Variants in MACROD2 observed in about 807,000 individuals in gnomAD.
The protein encoded by MACROD2 is ADP-ribose glycohydrolase MACROD2.
A neutral mutation model predicts 70.4 loss-of-function variants in MACROD2; 36 were observed. The ratio of observed to expected loss-of-function variants is 0.51; its 90% CI spans 0.39 to 0.68. The LOEUF (loss-of-function observed/expected upper bound fraction) is 0.68, where lower values mean the gene tolerates loss of function less well. Among genes scored for constraint, MACROD2 ranks in the 30% least tolerant of loss-of-function variants. The pLI, the probability that MACROD2 is intolerant of heterozygous loss-of-function variation, is 0.00. For missense variants in MACROD2, 496 were observed against 538.4 expected (o/e 0.92, Z 0.78); for synonymous variants, 172 against 178.8 (o/e 0.96, Z 0.30).
At chr20:14,176,228 T>A (rs1366945755) in intron 3 of MACROD2, among the ~76,000 whole-genome samples, 1 of 152,224 alleles carries the variant, frequency 6.6e-6, no homozygotes, top group Non-Finnish European at 1.5e-5. Context: ...TTGCCTGTGG[T>A]GACAGAAGGC....
At chr20:14,740,754 A>T (rs982524888) in intron 5 of MACROD2, among the ~76,000 whole-genome samples, 9 of 151,570 alleles carry the variant, frequency 5.9e-5, no homozygotes, top group East Asian at 3.9e-4. Flanking sequence ...ATGAAAGATT[A>T]AAAAAAAACC....
At chr20:14,077,158 CTTA>C (rs2053925781) in intron 2 of MACROD2, among the ~76,000 whole-genome samples, 1 of 151,994 alleles carries the variant, frequency 6.6e-6, no homozygotes, top group Admixed American at 6.6e-5. Context: ...CAACCTTAGA[CTTA>C]CATTACATTA....
At chr20:14,233,944 C>T (rs975641576) in intron 3 of MACROD2, among the ~76,000 whole-genome samples, 2 of 151,844 alleles carry the variant, frequency 1.3e-5, no homozygotes, top group African/African-American at 2.4e-5. Context: ...GTTTTAGGGC[C>T]GTGAAACTAT....
chr20:14,373,414 G>T (rs1478525369), intron 3 of MACROD2, among the ~76,000 whole-genome samples: 1 of 152,030 alleles, frequency 6.6e-6, no homozygotes. Flanking sequence ...CAAATGTTAT[G>T]AATTGTCTCT....
chr20:15,233,965 ATTTT>A (rs138948728), intron 6 of MACROD2, among the ~76,000 whole-genome samples: 3,717 of 46,402 alleles, frequency 0.08, 372 homozygotes, highest in African/African-American at 0.18. Context: ...CAAAAAATTT[ATTTT>A]TATATATATT....
Position 14,110,911 on chromosome 20 carries a change from A to G in MACROD2, c.271+25183A>G, listed in dbSNP as rs370366496. On this transcript the variant is annotated intron_variant, in intron 3 of 17. Coordinates refer to ENST00000684519, the MANE Select transcript of MACROD2 (RefSeq NM_001351661.2). ...TATATGGAACCACAAAAGACCCACA[A>G]TAGCCAAAGCTATCCTGAACAACAG... Among the ~76,000 whole-genome samples the G allele has an allele frequency of 7.2e-5, 11 of 152,138 alleles. No homozygotes were observed. The East Asian group carries it at 1.7e-3, about 24-fold the overall frequency.
At chr20:15,785,368 C>A (rs1205095122) in intron 8 of MACROD2, among the ~76,000 whole-genome samples, 1 of 152,094 alleles carries the variant, frequency 6.6e-6, no homozygotes, top group Non-Finnish European at 1.5e-5. Context: ...TGAGAACTGA[C>A]TCCTGCCGTC....
chr20:14,285,599 T>TA lies in MACROD2; in HGVS notation c.271+199879dup, dbSNP rs1419517185. On this transcript the variant is annotated intron_variant, in intron 3 of 17. Transcript: ENST00000684519. The stretch of plus-strand genomic sequence containing the variant: ...CTCTTAAATGGAGAGTAAAAAACAA[T>TA]AAAAAAAACTAAACTTAGAAAAAAA... Among the ~76,000 whole-genome samples, 71 of 149,452 alleles carry TA rather than the reference T, an allele frequency of 4.8e-4. 1 individual carries two copies. Among genetic ancestry groups the TA allele is most frequent in the Non-Finnish European group, 5.5e-4 (37 of 67,154 alleles).
intron 5 of MACROD2, chr20:14,757,707 A>C (rs2071959330): frequency 6.7e-7 from 1 of 1,488,580 alleles, no homozygotes; most frequent in South Asian, 1.1e-5. Context: ...AAGGCCATGC[A>C]GTCTCTCAAG....
rs547282664 is a variant in MACROD2, at chr20:14,349,532, GTTAA to G, written c.272-143939_272-143936del. Among the ~76,000 whole-genome samples the G allele has an allele frequency of 1.9e-4, 28 of 146,888 alleles. No individual in the cohort carries two copies. The South Asian group carries it at 4.0e-3, about 21-fold the overall frequency. On this transcript the variant is annotated intron_variant, in intron 3 of 17. Coordinates refer to ENST00000684519, the MANE Select transcript of MACROD2 (RefSeq NM_001351661.2). Reference sequence around the variant, plus strand: ...TAACCATATATATTGTATCTATATGGTTAATTAATTATATATTATATATTAACAT... The same window carrying G: ...TAACCATATATATTGTATCTATATGGTTAATTATATATTATATATTAACAT...
At chr20:14,367,670 CT>C (rs2083284717) in intron 3 of MACROD2, among the ~76,000 whole-genome samples, 2 of 152,270 alleles carry the variant, frequency 1.3e-5, no homozygotes, top group Admixed American at 1.3e-4. Flanking sequence ...GGATGAATTG[CT>C]TCTCCTTGGC....
chr20:13,995,678 C>CCA lies in MACROD2; in HGVS notation c.-86_-85insCA. The CCA allele has an allele frequency of 1.0e-6, 1 of 995,316 alleles. No homozygotes were observed. Among genetic ancestry groups the CCA allele is most frequent in the Non-Finnish European group, 1.6e-6 (1 of 622,240 alleles). 61.7% of individuals were successfully genotyped at this position (995,316 alleles called of 1,614,324 possible). ...TCACTTTTTCCCTGCTGAGTGCCCC[C>CCA]TCCCACCCCTCCCACTCCACACACA... On this transcript the variant is annotated 5_prime_UTR_variant, in exon 1 of 18. Transcript: ENST00000684519. The surrounding 1 kb of genome is among the most constrained non-coding windows in gnomAD (Gnocchi z 4.3).
chr20:15,272,825 A>G (rs1305793168), intron 6 of MACROD2, among the ~76,000 whole-genome samples: 1 of 152,166 alleles, frequency 6.6e-6, no homozygotes, highest in African/African-American at 2.4e-5. Flanking sequence ...AATAAAGTCT[A>G]TTTTATATGG....
chr20:14,066,805 A>ATTTTTTTTTTT (rs34648174), intron 2 of MACROD2, among the ~76,000 whole-genome samples: 1 of 104,108 alleles, frequency 9.6e-6, no homozygotes, highest in Non-Finnish European at 1.9e-5. Flanking sequence ...TGTTTTAGTG[A>ATTTTTTTTTTT]TTTTTTTTTT....
chr20:15,449,621 A>G (rs1261617318), intron 7 of MACROD2, among the ~76,000 whole-genome samples: 1 of 152,160 alleles, frequency 6.6e-6, no homozygotes, highest in African/African-American at 2.4e-5. Flanking sequence ...CATGGTTTCC[A>G]ACTTAGAAAG....
intron 3 of MACROD2, among the ~76,000 whole-genome samples, chr20:14,321,260 GAGGCTGAGGC>G (rs2082657399): frequency 2.0e-5 from 3 of 152,050 alleles, no homozygotes; most frequent in African/African-American, 7.2e-5. Flanking sequence ...AGCTACTCGG[GAGGCTGAGGC>G]AGGAGAATCG....
At chr20:15,898,443 A>G (rs945556683) in intron 10 of MACROD2, among the ~76,000 whole-genome samples, 3 of 150,660 alleles carry the variant, frequency 2.0e-5, no homozygotes, top group Non-Finnish European at 4.4e-5. Context: ...CCCAGTTACT[A>G]AGGAGGCTGA....
chr20:15,995,648 C>G (rs1244583579), intron 15 of MACROD2, among the ~76,000 whole-genome samples: 3 of 26,966 alleles, frequency 1.1e-4, no homozygotes, highest in East Asian at 7.2e-4. Context: ...CTATGCCCGG[C>G]CTTTTTTTTT....
chr20:15,047,558 G>C (rs537372331), intron 5 of MACROD2, among the ~76,000 whole-genome samples: 1 of 152,172 alleles, frequency 6.6e-6, no homozygotes, highest in Non-Finnish European at 1.5e-5. Context: ...GATCTATGTA[G>C]TTTTAATAAT....
Sources: gnomAD v4.1 joint callset for allele counts (sites outside exome capture counted in the v4.1 genomes callset) on GRCh38, gnomAD v4.1.1 for gene constraint, Gnocchi (gnomAD v3.1) non-coding constraint, MANE v1.5 for transcripts, NCBI Gene and HGNC (gene_info 2026-07-23, HGNC 2026-07-21) for gene names.